PNPLA6: variants seen among roughly 807,000 people sequenced by gnomAD.
PNPLA6 encodes the protein patatin-like phospholipase domain-containing protein 6.
In PNPLA6, 105 loss-of-function variants were observed where a neutral mutation model predicts 153.7. The ratio of observed to expected loss-of-function variants is 0.68; its 90% CI spans 0.58 to 0.80. The LOEUF is 0.80. Among genes scored for constraint, PNPLA6 ranks in the 30% least tolerant of loss-of-function variants. The pLI, the probability that PNPLA6 is intolerant of heterozygous loss-of-function variation, is 0.00. For missense variants in PNPLA6, 1,423 were observed against 1,919.3 expected, an observed-to-expected ratio of 0.74 and a Z score of 4.83; for synonymous variants, 825 against 822.2, an observed-to-expected ratio of 1.00 and a Z score of -0.06.
chr19:7,549,430 C>T (rs910451984), intron 13 of PNPLA6, among the ~76,000 whole-genome samples: 6 of 151,614 alleles, frequency 4.0e-5, no homozygotes, highest in African/African-American at 1.5e-4. Flanking sequence ...TCTTGATCCG[C>T]CTGCCTCGGC....
intron 13 of PNPLA6, among the ~76,000 whole-genome samples, chr19:7,549,487 T>G (rs1410354174): frequency 1.9e-5 from 1 of 52,300 alleles, no homozygotes; most frequent in African/African-American, 8.1e-5. Flanking sequence ...CGCCTGGCCT[T>G]CTTCTTCTTT....
chr19:7,551,311 G>A (rs1316596662), intron 17 of PNPLA6, 51 bp from the exon 18 acceptor site: 4 of 1,570,264 alleles, frequency 2.5e-6, no homozygotes, highest in Non-Finnish European at 3.5e-6. Context: ...GGTGGGACCT[G>A]GACAGCCGCT....
intron 18 of PNPLA6, 69 bp from the exon 19 acceptor site, chr19:7,553,806 G>A: frequency 1.3e-6 from 2 of 1,568,546 alleles, no homozygotes; most frequent in Non-Finnish European, 1.8e-6. Flanking sequence ...AGGAAGAAGA[G>A]GAGGAGGAGG....
chr19:7,554,172 C>T (rs758314131), intron 19 of PNPLA6, 37 bp from the exon 20 acceptor site: 22 of 1,602,464 alleles, frequency 1.4e-5, no homozygotes, highest in Non-Finnish European at 1.8e-5. Flanking sequence ...GCCCTGTGGA[C>T]CATGGTTCCC....
Position 7,554,650 on chromosome 19 carries a change from C to T in PNPLA6, c.2561C>T (p.Thr854Ile). The change falls in exon 21 of 32, where the codon ACC (threonine) becomes ATC (isoleucine). Residue 854 changes from threonine (T) to isoleucine (I), a missense_variant. Transcript: ENST00000600737. ...ACGGACGCCTCGCTGACGCCCTGGA[C>T]CGTGCGCTGCCTGCGACAGGCCGAC... ...YQTDASLTPW[T>I]VRCLRQADCI... 1 of 1,614,042 alleles carries T rather than the reference C, an allele frequency of 6.2e-7. No homozygotes were observed. The highest frequency in any genetic ancestry group is 1.1e-5 in the South Asian group (1 of 91,084).
At chr19:7,549,476 G>A (rs1394925584) in intron 13 of PNPLA6, among the ~76,000 whole-genome samples, 3 of 115,522 alleles carry the variant, frequency 2.6e-5, no homozygotes, top group East Asian at 4.7e-4. Flanking sequence ...GTGAGCCACC[G>A]CGCCTGGCCT....
At chr19:7,545,325 CCA>C (rs2023342891) in intron 13 of PNPLA6, among the ~76,000 whole-genome samples, 1 of 152,088 alleles carries the variant, frequency 6.6e-6, no homozygotes, top group Non-Finnish European at 1.5e-5. Context: ...CGGCACCTGG[CCA>C]CAGTCTGGAA....
intron 18 of PNPLA6, among the ~76,000 whole-genome samples, chr19:7,552,476 C>G (rs2023691823): frequency 6.6e-6 from 1 of 152,084 alleles, no homozygotes; most frequent in Admixed American, 6.6e-5. Context: ...ATTACAGAGG[C>G]CTGGGGCGGT....
rs369854428 is a variant in PNPLA6 at position 7,550,005 on chromosome 19, G to T, written c.1707G>T (p.Gly569=). 3.7e-6 allele frequency: 6 copies of T among 1,614,098 alleles called. No individual in the cohort carries two copies. Among genetic ancestry groups the T allele is most frequent in the Non-Finnish European group, 4.2e-6 (5 of 1,180,048 alleles). The change falls in exon 14 of 32, where the codon GGG becomes GGT. Residue 569 remains glycine, a synonymous_variant. Coordinates refer to ENST00000600737, the MANE Select transcript of PNPLA6 (RefSeq NM_001166114.2). ...TGTGCCTGTTCGTAGCGCAGCCCGGGGAACTGGTGGGGCAGCTGGCGGTGC... is the reference window on the plus strand; with the variant it reads ...TGTGCCTGTTCGTAGCGCAGCCCGGTGAACTGGTGGGGCAGCTGGCGGTGC... ...EDVCLFVAQP[G]ELVGQLAVLT...
At chr19:7,549,790 T>G in intron 13 of PNPLA6, 117 bp from the exon 14 acceptor site, 16 of 1,026,298 alleles carry the variant, frequency 1.6e-5, no homozygotes, top group Non-Finnish European at 2.2e-5. Context: ...CCCTGCGCCT[T>G]CATATTTTTC....
At chr19:7,556,848 T>C in intron 26 of PNPLA6, 124 bp downstream of exon 26, 1 of 786,854 alleles carries the variant, frequency 1.3e-6, no homozygotes, top group Non-Finnish European at 2.2e-6. Flanking sequence ...CCTGGCCCGA[T>C]CACCGACCAC....
In PNPLA6 at chr19:7,541,368, G is replaced by T; in HGVS notation, c.939G>T (p.Arg313=). The T allele has an allele frequency of 6.2e-7, 1 of 1,613,816 alleles. No homozygotes were observed. The highest frequency in any genetic ancestry group is 1.7e-5 in the Admixed American group (1 of 60,012). ...LVRVVQIIMV[R]LQRVTFLALH... is the part of the protein sequence containing the mutation. ...GAGCCCTGCAGATCATCATGGTGCG[G>T]CTGCAGCGAGTCACCTTCCTGGCAC... Residue 313 remains arginine, a synonymous_variant, in exon 8 of 32, where the codon CGG becomes CGT. Coordinates refer to ENST00000600737, the MANE Select transcript of PNPLA6 (RefSeq NM_001166114.2). This position sits in a 1 kb window ranked among gnomAD's most constrained non-coding sequence, Gnocchi z 5.2.
intron 13 of PNPLA6, among the ~76,000 whole-genome samples, chr19:7,548,135 A>G (rs186024730): frequency 1.2e-4 from 18 of 151,264 alleles, no homozygotes; most frequent in Admixed American, 7.3e-4. Flanking sequence ...CACTGAGGTC[A>G]GGAGTTCAAG....
At chr19:7,550,668 C>T (rs1392133222) in intron 16 of PNPLA6, 28 bp downstream of exon 16, 1 of 1,608,384 alleles carries the variant, frequency 6.2e-7, no homozygotes. Flanking sequence ...CCACTGACCT[C>T]TGGCCTTTTC....
chr19:7,556,788 G>A lies in PNPLA6; in HGVS notation c.3280+64G>A, dbSNP rs1196047359. The A allele has an allele frequency of 5.0e-6, 6 of 1,201,926 alleles. No individual in the cohort carries two copies. The South Asian group carries it at 6.0e-5, about 12-fold the overall frequency. 74.5% of individuals were successfully genotyped at this position (1,201,926 alleles called of 1,614,324 possible). A position where few individuals can be genotyped will look rare whatever the true frequency, so the allele number is the denominator to read the frequency against. ...CACGTGGGGTTGGGGGGATGCTTCC[G>A]GGAGGGCCGCTGAGCTTCTGGGACG... On this transcript the variant is annotated intron_variant, in intron 26 of 31. Coordinates refer to ENST00000600737, the MANE Select transcript of PNPLA6 (RefSeq NM_001166114.2).
At chr19:7,554,372 C>G (rs1172737258) in intron 20 of PNPLA6, 100 bp downstream of exon 20, 1 of 1,296,682 alleles carries the variant, frequency 7.7e-7, no homozygotes, top group African/African-American at 1.5e-5. Context: ...ACCACGGAGC[C>G]TGCGTCTTAC....
In PNPLA6 at chr19:7,541,873, A is replaced by G. The variant is rs545450126; in HGVS notation, c.1169-111A>G. On this transcript the variant is annotated intron_variant, in intron 9 of 31. Coordinates refer to ENST00000600737, the MANE Select transcript of PNPLA6 (RefSeq NM_001166114.2). This position sits in a 1 kb window ranked among gnomAD's most constrained non-coding sequence, Gnocchi z 5.2. ...GCTGTGGCCTCGTCCCCAAGGGCCC[A>G]TTGGAATTGCTTTAACTAGTTAATC... The G allele has an allele frequency of 1.1e-4, 127 of 1,144,658 alleles. No individual in the cohort carries two copies. In the East Asian group the frequency reaches 2.7e-3, roughly 24 times the overall value. 70.9% of individuals were successfully genotyped at this position (1,144,658 alleles called of 1,614,324 possible).
chr19:7,550,973 A>G (rs1191344320), intron 16 of PNPLA6, 21 bp from the exon 17 acceptor site: 79 of 1,507,134 alleles, frequency 5.2e-5, no homozygotes, highest in Non-Finnish European at 5.8e-5. Context: ...AGCAGCCCCA[A>G]TCATGCACGC....
In PNPLA6 at chr19:7,561,278, G is replaced by T. The variant is rs569853991; in HGVS notation, c.3984G>T (p.Gly1328=). The stretch of plus-strand genomic sequence containing the variant: ...CCGACTGCTCGAGGGATGAAGGGGG[G>T]TCCCCCGAGGGCGCAAGCCCCAGCA... ...AGPDCSRDEG[G]SPEGASPSTA... Residue 1328 remains glycine (G), a synonymous_variant, in exon 31 of 32, where the codon GGG becomes GGT. Transcript: ENST00000600737. 2.5e-6 allele frequency: 4 copies of T among 1,609,860 alleles called. No homozygotes were observed. Among genetic ancestry groups the T allele is most frequent in the Admixed American group, 3.4e-5 (2 of 59,320 alleles).
Sources: allele counts gnomAD v4.1 joint callset (sites outside exome capture counted in the v4.1 genomes callset), GRCh38; gene constraint gnomAD v4.1.1; non-coding constraint Gnocchi (gnomAD v3.1); transcripts MANE v1.5; gene names NCBI Gene and HGNC (gene_info 2026-07-23, HGNC 2026-07-21).